OR52H1: variants seen among roughly 807,000 people sequenced by gnomAD.
OR52H1 encodes olfactory receptor family 52 subfamily H member 1.
For missense variants in OR52H1, 383 were observed against 396.4 expected (o/e 0.97, Z 0.29); for synonymous variants, 148 against 138.6 (o/e 1.07, Z -0.48).
At position 5,545,298 on chromosome 11, in the gene OR52H1, T is replaced by C. The variant is rs756290960; in HGVS notation, c.208A>G (p.Met70Val). The change falls in exon 2 of 2, where the codon ATG becomes GTG. Residue 70 changes from methionine to valine, a missense_variant. By Grantham distance (21) the Met-to-Val change is conservative (BLOSUM62 1). Transcript: ENST00000322653. The stretch of plus-strand genomic sequence containing the variant: ...GCTGTGGACAAGATGAGGTCAGTCA[T>C]GGCCAGCATGGAGAGAAAGAAGAAC... ...PMFFFLSMLA[M>V]TDLILSTAGV... The C allele has an allele frequency of 6.2e-7, 1 of 1,614,058 alleles. No individual in the cohort carries two copies. The highest frequency in any genetic ancestry group is 1.3e-5 in the African/African-American group (1 of 74,916).
rs781412386 is a variant in OR52H1, at chr11:5,545,143, T to G, written c.363A>C (p.Ala121=). 4 of 1,614,122 alleles carry G rather than the reference T, an allele frequency of 2.5e-6. No homozygotes were observed. The highest frequency in any genetic ancestry group is 2.5e-6 in the Non-Finnish European group (3 of 1,180,020). ...VLDSAILMAM[A]FDHYVAICSP... Reference sequence around the variant, plus strand: ...AACAGATAGCTACATAGTGATCAAATGCCATGGCCATCAGAATGGCTGAAT... The same window carrying G: ...AACAGATAGCTACATAGTGATCAAAGGCCATGGCCATCAGAATGGCTGAAT... The change falls in exon 2 of 2, where the codon GCA becomes GCC. Residue 121 remains alanine, a synonymous_variant. Coordinates refer to ENST00000322653, the MANE Select transcript of OR52H1 (RefSeq NM_001005289.5).
At chr11:5,546,046 C>A (rs1846851462) in intron 1 of OR52H1, among the ~76,000 whole-genome samples, 1 of 152,150 alleles carries the variant, frequency 6.6e-6, no homozygotes, top group Admixed American at 6.5e-5. Flanking sequence ...GATCAGCACC[C>A]CTTTATTGCC....
At chr11:5,545,651 G>T in intron 1 of OR52H1, 116 bp from the exon 2 acceptor site, 1 of 1,011,554 alleles carries the variant, frequency 9.9e-7, no homozygotes, top group African/African-American at 1.6e-5. Context: ...ATCCAAAATA[G>T]AACCTGTCTG....
intron 1 of OR52H1, among the ~76,000 whole-genome samples, chr11:5,545,950 T>C (rs1331593463): frequency 6.6e-6 from 1 of 152,158 alleles, no homozygotes; most frequent in South Asian, 2.1e-4. Context: ...GCTTGCTCTG[T>C]CATTGTGAAT....
In OR52H1 at chr11:5,544,585, A is replaced by G. The variant is rs1846819815; in HGVS notation, c.921T>C (p.Leu307=). 4.4e-6 allele frequency: 7 copies of G among 1,599,550 alleles called. No individual in the cohort carries two copies. In the East Asian group the frequency reaches 1.6e-4, roughly 36 times the overall value. The change falls in exon 2 of 2, where the codon CTT becomes CTC. Residue 307 remains leucine, a synonymous_variant. Coordinates refer to ENST00000322653, the MANE Select transcript of OR52H1 (RefSeq NM_001005289.5). ...KTKQIRDKVI[L]LFSKGTG is the part of the protein sequence containing the mutation. The stretch of plus-strand genomic sequence containing the variant: ...ATCATCCTGTACCCTTAGAAAACAA[A>G]AGTATAACCTTATCTCTGATCTGCT...
At position 5,544,799 on chromosome 11, in the gene OR52H1, C is replaced by T. The variant is rs776567541; in HGVS notation, c.707G>A (p.Cys236Tyr). ...ACCACAAGTGCCGAGGGCTTTCTGGCAGGCATCTTGGGAGGGAAGGCCAAA... is the reference window on the plus strand; with the variant it reads ...ACCACAAGTGCCGAGGGCTTTCTGGTAGGCATCTTGGGAGGGAAGGCCAAA... ...AVFGLPSQDACQKALGTCGSH... is the reference protein window; with the variant it reads ...AVFGLPSQDAYQKALGTCGSH... Residue 236 changes from cysteine to tyrosine, a missense_variant, in exon 2 of 2, where the codon TGC (cysteine) becomes TAC (tyrosine). Transcript: ENST00000322653. 46 of 1,613,892 alleles carry T rather than the reference C, an allele frequency of 2.9e-5. 1 individual carries two copies. Among genetic ancestry groups the T allele is most frequent in the African/African-American group, 2.8e-4 (21 of 74,850 alleles).
intron 1 of OR52H1, among the ~76,000 whole-genome samples, chr11:5,548,080 T>A (rs1220254172): frequency 6.6e-6 from 1 of 152,150 alleles, no homozygotes; most frequent in Non-Finnish European, 1.5e-5. Flanking sequence ...AGAACAGAAA[T>A]TGCAAGATGG....
intron 1 of OR52H1, among the ~76,000 whole-genome samples, chr11:5,547,677 G>T (rs1408028734): frequency 1.3e-5 from 2 of 151,430 alleles, no homozygotes; most frequent in South Asian, 2.1e-4. Context: ...ACAGAGTCTT[G>T]CACTGTTGCC....
In OR52H1 at chr11:5,544,562, C is replaced by G. The variant is rs753957405; in HGVS notation, c.944G>C (p.Ter315SerextTer?). ...VILLFSKGTG[*>S] ...CTATAAACTTATCCTAGTAAAACAT[C>G]ATCCTGTACCCTTAGAAAACAAAAG... Residue 315 changes from the stop codon to serine, a stop_lost, in exon 2 of 2, where the codon TGA (stop) becomes TCA (serine). Transcript: ENST00000322653. The G allele has an allele frequency of 1.3e-6, 2 of 1,566,714 alleles. No homozygotes were observed. The highest frequency in any genetic ancestry group is 1.7e-6 in the Non-Finnish European group (2 of 1,158,160).
In OR52H1 at chr11:5,544,956, T is replaced by C; in HGVS notation, c.550A>G (p.Ile184Val). Residue 184 changes from isoleucine (I) to valine (V), a missense_variant, in exon 2 of 2, where the codon ATA (isoleucine) becomes GTA (valine). Coordinates refer to ENST00000322653, the MANE Select transcript of OR52H1 (RefSeq NM_001005289.5). ...GCACAGGCGAGCTGGGCAACACCTA[T>C]ATGCTCACAGTATGTGTGGGGTATG... The part of the protein sequence containing the change: ...RIIPHTYCEH[I>V]GVAQLACADI... 1 of 1,614,160 alleles carries C rather than the reference T, an allele frequency of 6.2e-7. No homozygotes were observed. Among genetic ancestry groups the C allele is most frequent in the Non-Finnish European group, 8.5e-7 (1 of 1,180,032 alleles).
intron 1 of OR52H1, among the ~76,000 whole-genome samples, chr11:5,546,423 T>G (rs1209252572): frequency 1.3e-5 from 2 of 152,206 alleles, no homozygotes; most frequent in African/African-American, 4.8e-5. Context: ...CATTCTGTCA[T>G]ATATTTTGCC....
chr11:5,547,222 C>T (rs1480228376), intron 1 of OR52H1, among the ~76,000 whole-genome samples: 2 of 152,310 alleles, frequency 1.3e-5, no homozygotes, highest in African/African-American at 4.8e-5. Flanking sequence ...TCCCAAAGTG[C>T]TGGGATTACA....
intron 1 of OR52H1, among the ~76,000 whole-genome samples, chr11:5,546,247 A>C (rs1179194221): frequency 6.6e-6 from 1 of 152,084 alleles, no homozygotes; most frequent in East Asian, 1.9e-4. Context: ...TAATATTCTA[A>C]TACTGTGGAC....
intron 1 of OR52H1, among the ~76,000 whole-genome samples, chr11:5,546,416 TC>T (rs1846857457): frequency 6.6e-6 from 1 of 152,204 alleles, no homozygotes; most frequent in African/African-American, 2.4e-5. Flanking sequence ...ACACTTACAT[TC>T]TGTCATATAT....
chr11:5,548,401 C>T (rs1564846243), intron 1 of OR52H1, 51 bp downstream of exon 1: 2 of 152,202 alleles, frequency 1.3e-5, no homozygotes, highest in Admixed American at 1.3e-4. Context: ...TTTTCACTCA[C>T]TTTCTCTAAG....
chr11:5,546,127 T>C (rs1384575879), intron 1 of OR52H1, among the ~76,000 whole-genome samples: 1 of 150,504 alleles, frequency 6.6e-6, no homozygotes, highest in Non-Finnish European at 1.5e-5. Flanking sequence ...CATGTGTAAG[T>C]CAGATTTAAA....
rs747525586 is a variant in OR52H1, at chr11:5,544,598, T to C, written c.908A>G (p.Asp303Gly). 1.4e-5 allele frequency: 22 copies of C among 1,611,776 alleles called. No homozygotes were observed. The Middle Eastern group carries it at 3.0e-3, about 218-fold the overall frequency. The change falls in exon 2 of 2, where the codon GAT (aspartate) becomes GGT (glycine). Residue 303 changes from aspartate (D) to glycine (G), a missense_variant. By Grantham distance (94) the Asp-to-Gly change is moderately conservative. Coordinates refer to ENST00000322653, the MANE Select transcript of OR52H1 (RefSeq NM_001005289.5). Reference protein sequence around the residue: ...VYGVKTKQIRDKVILLFSKGT... With the variant: ...VYGVKTKQIRGKVILLFSKGT... ...CTTAGAAAACAAAAGTATAACCTTA[T>C]CTCTGATCTGCTTGGTCTTCACTCC... is the stretch of plus-strand genomic sequence containing the variant.
Position 5,544,939 on chromosome 11 carries a change from G to A in OR52H1, c.567C>T (p.Leu189=), listed in dbSNP as rs777782542. The change falls in exon 2 of 2, where the codon CTC becomes CTT. Residue 189 remains leucine (L), a synonymous_variant. Coordinates refer to ENST00000322653, the MANE Select transcript of OR52H1 (RefSeq NM_001005289.5). The stretch of plus-strand genomic sequence containing the variant: ...AGTTGATGGAGATATCAGCACAGGC[G>A]AGCTGGGCAACACCTATATGCTCAC... The part of the protein sequence containing the change: ...TYCEHIGVAQ[L]ACADISINFW... The A allele has an allele frequency of 6.8e-6, 11 of 1,614,044 alleles. No homozygotes were observed. The highest frequency in any genetic ancestry group is 2.2e-5 in the South Asian group (2 of 91,074).
At chr11:5,547,889 C>T (rs1331497507) in intron 1 of OR52H1, among the ~76,000 whole-genome samples, 2 of 152,238 alleles carry the variant, frequency 1.3e-5, no homozygotes, top group African/African-American at 4.8e-5. Flanking sequence ...TTGTGATCCA[C>T]CTGCCTCAGC....
Sources: allele counts gnomAD v4.1 joint callset (sites outside exome capture counted in the v4.1 genomes callset), GRCh38; gene constraint gnomAD v4.1.1; transcripts MANE v1.5; gene names NCBI Gene and HGNC (gene_info 2026-07-23, HGNC 2026-07-21).